Variants in TSR2 observed in about 807,000 individuals in gnomAD.
The protein encoded by TSR2 is pre-rRNA-processing protein TSR2 homolog.
TSR2 carries 1 observed loss-of-function variant against 13.3 expected under a neutral mutation model. That is an observed-to-expected ratio of 0.08 (90% CI 0.03 to 0.36). TSR2 has a LOEUF of 0.36. Among genes scored for constraint, TSR2 ranks in the 10% least tolerant of loss-of-function variants. The pLI is 0.99. For missense variants in TSR2, 120 were observed against 151.1 expected, an observed-to-expected ratio of 0.79 and a Z score of 1.08; for synonymous variants, 60 against 57.7, an observed-to-expected ratio of 1.04 and a Z score of -0.18.
chrX:54,447,569 A>C lies in TSR2; in HGVS notation c.*3019A>C. ...ATTCCTATCTCAGATGAAGACGCTC[A>C]AGCTCAGGTGGCAGGAGTGATTTGT... On this transcript the variant is annotated 3_prime_UTR_variant, in exon 5 of 5. Coordinates refer to ENST00000375151, the MANE Select transcript of TSR2 (RefSeq NM_058163.3). 4 of 796,598 alleles carry C rather than the reference A, an allele frequency of 5.0e-6. No individual in the cohort carries two copies. Among genetic ancestry groups the C allele is most frequent in the South Asian group, 2.2e-5 (1 of 44,863 alleles). 65.6% of individuals were successfully genotyped at this position (796,598 alleles called of 1,213,427 possible).
In TSR2 at chrX:54,440,751, G is replaced by A. The variant is rs773655172; in HGVS notation, c.143G>A (p.Gly48Asp). 1.7e-4 allele frequency: 210 copies of A among 1,202,238 alleles called. No individual in the cohort carries two copies. The South Asian group carries it at 3.6e-3, about 21-fold the overall frequency. Residue 48 changes from glycine to aspartate, a missense_variant, in exon 2 of 5, where the codon GGT becomes GAT. Coordinates refer to ENST00000375151, the MANE Select transcript of TSR2 (RefSeq NM_058163.3). ...HSQEKAKWLG[G>D]AVEDYFMRNA... The stretch of plus-strand genomic sequence containing the variant: ...CAGGAGAAGGCCAAGTGGCTGGGGG[G>A]TGCAGTGGAGGATTACTTCATGCGC...
chrX:54,444,264 A>G (rs1922038739), intron 4 of TSR2, 80 bp downstream of exon 4: 1 of 1,171,292 alleles, frequency 8.5e-7, no homozygotes, highest in Admixed American at 2.4e-5. Flanking sequence ...CAGGGAAGTG[A>G]TAAGGGGATG....
intron 2 of TSR2, among the ~76,000 whole-genome samples, 153 bp downstream of exon 2, chrX:54,440,933 A>C (rs1299756324): frequency 9.0e-6 from 1 of 111,399 alleles, no homozygotes; most frequent in Non-Finnish European, 1.9e-5. Context: ...AGAATCCTGG[A>C]TTCCAGTGCT....
chrX:54,440,842 C>G, intron 2 of TSR2, 62 bp downstream of exon 2: 1 of 900,658 alleles, frequency 1.1e-6, no homozygotes, highest in South Asian at 2.5e-5. Context: ...GGAGCCCCAT[C>G]CCGCAGAGCC....
chrX:54,443,325 A>C, intron 2 of TSR2, 75 bp from the exon 3 acceptor site: 2 of 707,771 alleles, frequency 2.8e-6, no homozygotes, highest in Non-Finnish European at 4.4e-6. Flanking sequence ...CACCAAGTAG[A>C]TATTGAAGAG....
At position 54,446,113 on chromosome X, in the gene TSR2, G is replaced by A; in HGVS notation, c.*1563G>A. 1 of 1,207,002 alleles carries A rather than the reference G, an allele frequency of 8.3e-7. No individual in the cohort carries two copies. ...TCCCAGTTTGTCCCAAACCCTCTAG[G>A]TCTTGTCTCGGGTCTGGGGGGATTC... On this transcript the variant is annotated 3_prime_UTR_variant, in exon 5 of 5. Coordinates refer to ENST00000375151, the MANE Select transcript of TSR2 (RefSeq NM_058163.3).
intron 3 of TSR2, 46 bp from the exon 4 acceptor site, chrX:54,443,962 A>G (rs1162923545): frequency 1.7e-6 from 2 of 1,195,400 alleles, no homozygotes; most frequent in Non-Finnish European, 2.3e-6. Flanking sequence ...CTGTTTGTAT[A>G]GTAGATATCT....
Position 54,447,457 on chromosome X carries a change from G to A in TSR2, c.*2907G>A, listed in dbSNP as rs765287591. The stretch of plus-strand genomic sequence containing the variant: ...TCTGCAGCCACTGAGGCCTGTTTCT[G>A]TGGCCAGAGACACCGGGCATCAATG... On this transcript the variant is annotated 3_prime_UTR_variant, in exon 5 of 5. Coordinates refer to ENST00000375151, the MANE Select transcript of TSR2 (RefSeq NM_058163.3). 5.8e-6 allele frequency: 7 copies of A among 1,207,602 alleles called. No individual in the cohort carries two copies. In the Admixed American group the frequency reaches 1.1e-4, roughly 19 times the overall value.
At chrX:54,441,318 C>CA (rs1314376824) in intron 2 of TSR2, among the ~76,000 whole-genome samples, 2 of 108,739 alleles carry the variant, frequency 1.8e-5, no homozygotes, top group Admixed American at 2.0e-4. Context: ...GTTTGGACAG[C>CA]AAAGATCTAC....
At chrX:54,442,841 CT>C (rs1485350954) in intron 2 of TSR2, among the ~76,000 whole-genome samples, 3 of 112,430 alleles carry the variant, frequency 2.7e-5, no homozygotes, top group African/African-American at 9.7e-5. Flanking sequence ...GTTCTCTTCA[CT>C]TCAAAAACTT....
At position 54,444,749 on chromosome X, in the gene TSR2, A is replaced by G; in HGVS notation, c.*199A>G. 1 of 359,978 alleles carries G rather than the reference A, an allele frequency of 2.8e-6. No individual in the cohort carries two copies. Among genetic ancestry groups the G allele is most frequent in the Non-Finnish European group, 4.8e-6 (1 of 206,438 alleles). The allele number at this position is 359,978 out of a possible 1,213,427, so 29.7% of individuals were successfully genotyped here. A position where few individuals can be genotyped will look rare whatever the true frequency, so the allele number is the denominator to read the frequency against. Reference sequence around the variant, plus strand: ...TGGGGGTGGGGGGACCTTTTCCAGCATATTCCCCTGGGCCTTTAGTTAACA... The same window carrying G: ...TGGGGGTGGGGGGACCTTTTCCAGCGTATTCCCCTGGGCCTTTAGTTAACA... On this transcript the variant is annotated 3_prime_UTR_variant, in exon 5 of 5. Coordinates refer to ENST00000375151, the MANE Select transcript of TSR2 (RefSeq NM_058163.3).
Position 54,444,729 on chromosome X carries a change from G to A in TSR2, c.*179G>A. The A allele has an allele frequency of 2.4e-6, 1 of 419,372 alleles. No individual in the cohort carries two copies. Among genetic ancestry groups the A allele is most frequent in the Non-Finnish European group, 4.0e-6 (1 of 251,747 alleles). The allele number at this position is 419,372 out of a possible 1,213,427, so 34.6% of individuals were successfully genotyped here. A position where few individuals can be genotyped will look rare whatever the true frequency, so the allele number is the denominator to read the frequency against. ...AAACCTAGGGTCCTTGGTCTTGGGG[G>A]TGGGGGGACCTTTTCCAGCATATTC... On this transcript the variant is annotated 3_prime_UTR_variant, in exon 5 of 5. Transcript: ENST00000375151.
chrX:54,443,928 C>T (rs1922020952), intron 3 of TSR2, 80 bp from the exon 4 acceptor site: 2 of 1,159,558 alleles, frequency 1.7e-6, no homozygotes, highest in Admixed American at 5.0e-5. Context: ...CCAACCTACT[C>T]CCCACTGTTG....
rs1020922585 is a variant in TSR2, at chrX:54,447,728, A to G, written c.*3178A>G. On this transcript the variant is annotated 3_prime_UTR_variant, in exon 5 of 5. Coordinates refer to ENST00000375151, the MANE Select transcript of TSR2 (RefSeq NM_058163.3). The stretch of plus-strand genomic sequence containing the variant: ...TCTCAGGCATTCTTTCTTCAGTCAG[A>G]GCATTCATTCCTCAAGCCATTCACA... Among the ~76,000 whole-genome samples the G allele has an allele frequency of 1.1e-4, 12 of 112,363 alleles. No homozygotes were observed. Among genetic ancestry groups the G allele is most frequent in the East Asian group, 2.8e-4 (1 of 3,598 alleles).
intron 2 of TSR2, among the ~76,000 whole-genome samples, chrX:54,442,666 T>C (rs1396112873): frequency 9.0e-6 from 1 of 111,423 alleles, no homozygotes; most frequent in African/African-American, 3.3e-5. Context: ...CATAGGCCCA[T>C]AGGTAACTGA....
At position 54,446,445 on chromosome X, in the gene TSR2, C is replaced by G; in HGVS notation, c.*1895C>G. On this transcript the variant is annotated 3_prime_UTR_variant, in exon 5 of 5. Coordinates refer to ENST00000375151, the MANE Select transcript of TSR2 (RefSeq NM_058163.3). ...GGGAGGAGGGACAGAGCTGGGGCCA[C>G]CTTGGGGCTAGACCTTTCCCCCGCC... The G allele has an allele frequency of 8.5e-7, 1 of 1,182,569 alleles. No individual in the cohort carries two copies. Among genetic ancestry groups the G allele is most frequent in the Non-Finnish European group, 1.1e-6 (1 of 874,432 alleles).
rs1569540927 is a variant in TSR2, at chrX:54,446,438, G to T, written c.*1888G>T. 1.7e-6 allele frequency: 2 copies of T among 1,195,071 alleles called. No homozygotes were observed. Among genetic ancestry groups the T allele is most frequent in the Non-Finnish European group, 2.3e-6 (2 of 884,202 alleles). On this transcript the variant is annotated 3_prime_UTR_variant, in exon 5 of 5. Coordinates refer to ENST00000375151, the MANE Select transcript of TSR2 (RefSeq NM_058163.3). ...TCCTGGCGGGAGGAGGGACAGAGCTGGGGCCACCTTGGGGCTAGACCTTTC... is the reference window on the plus strand; with the variant it reads ...TCCTGGCGGGAGGAGGGACAGAGCTTGGGCCACCTTGGGGCTAGACCTTTC...
rs200654750 is a variant in TSR2 at position 54,440,748 on chromosome X, G to A, written c.140G>A (p.Gly47Glu). 1 of 1,204,431 alleles carries A rather than the reference G, an allele frequency of 8.3e-7. No homozygotes were observed. Reference sequence around the variant, plus strand: ...AGCCAGGAGAAGGCCAAGTGGCTGGGGGGTGCAGTGGAGGATTACTTCATG... The same window carrying A: ...AGCCAGGAGAAGGCCAAGTGGCTGGAGGGTGCAGTGGAGGATTACTTCATG... ...VHSQEKAKWL[G>E]GAVEDYFMRN... Residue 47 changes from glycine (G) to glutamate (E), a missense_variant, in exon 2 of 5, where the codon GGG (glycine) becomes GAG (glutamate). Gly to Glu is a moderately conservative substitution (Grantham distance 98). Around this residue, in one of 3 missense-constraint regions of TSR2, gnomAD observed 53 missense variants for 52.3 expected, o/e 1.01. Transcript: ENST00000375151.
chrX:54,446,134 G>T lies in TSR2; in HGVS notation c.*1584G>T, dbSNP rs751842918. On this transcript the variant is annotated 3_prime_UTR_variant, in exon 5 of 5. Transcript: ENST00000375151. ...CTAGGTCTTGTCTCGGGTCTGGGGG[G>T]ATTCGGGGGGTTCAGCAGTGGCTCC... 1.7e-6 allele frequency: 2 copies of T among 1,210,199 alleles called. No individual in the cohort carries two copies. The highest frequency in any genetic ancestry group is 3.0e-5 in the East Asian group (1 of 33,768).
Sources: allele counts gnomAD v4.1 joint callset (sites outside exome capture counted in the v4.1 genomes callset), GRCh38; gene constraint gnomAD v4.1.1; regional missense constraint gnomAD v4.1.1; transcripts MANE v1.5; gene names NCBI Gene and HGNC (gene_info 2026-07-23, HGNC 2026-07-21).